Variants in TCF4 observed in about 807,000 individuals in gnomAD.
The protein encoded by TCF4 is SL3-3 enhancer factor 2.
TCF4 carries 3 observed loss-of-function variants against 82.1 expected under a neutral mutation model. That is an observed-to-expected ratio of 0.04 (90% CI 0.02 to 0.09). The LOEUF (loss-of-function observed/expected upper bound fraction) is 0.09. TCF4 is among the 10% of genes least tolerant of loss of function. TCF4 has a pLI of 1.00. For missense variants in TCF4, 518 were observed against 852.7 expected, an observed-to-expected ratio of 0.61 and a Z score of 4.89; for synonymous variants, 276 against 309.6, an observed-to-expected ratio of 0.89 and a Z score of 1.14.
At chr18:55,517,114 A>G (rs1192895142) in intron 3 of TCF4, among the ~76,000 whole-genome samples, 4 of 152,172 alleles carry the variant, frequency 2.6e-5, no homozygotes, top group Non-Finnish European at 4.4e-5. Flanking sequence ...CTCCTAATGA[A>G]TAACACCATC....
intron 6 of TCF4, among the ~76,000 whole-genome samples, chr18:55,352,676 A>T (rs1014234807): frequency 1.1e-4 from 16 of 152,186 alleles, no homozygotes; most frequent in African/African-American, 3.6e-4. Flanking sequence ...ATATTAAAAC[A>T]CTACACAATG....
rs2058728468 is a variant in TCF4 at position 55,264,631 on chromosome 18, C to T, written c.923-3098G>A. The stretch of plus-strand genomic sequence containing the variant: ...GCATTGAGAAGTGGGCCATGTTTAG[C>T]AAGATACATTAAAGCTGAAAATGTG... On this transcript the variant is annotated intron_variant, in intron 11 of 19. Transcript: ENST00000354452. The T allele has an allele frequency of 4.0e-5, 6 of 149,010 alleles. 1 individual carries two copies. In the South Asian group the frequency reaches 1.1e-3, roughly 26 times the overall value. The allele number at this position is 149,010 out of a possible 1,614,324, so 9.2% of individuals were successfully genotyped here. A position where few individuals can be genotyped will look rare whatever the true frequency, so the allele number is the denominator to read the frequency against.
intron 6 of TCF4, chr18:55,351,443 C>T (rs532145337): frequency 9.1e-4 from 162 of 177,302 alleles, no homozygotes; most frequent in Middle Eastern, 5.6e-3. Context: ...CCTATGAACT[C>T]GACTGAGAAC....
intron 3 of TCF4, among the ~76,000 whole-genome samples, chr18:55,509,001 T>C (rs1198659895): frequency 6.6e-6 from 1 of 152,208 alleles, no homozygotes; most frequent in Non-Finnish European, 1.5e-5. Flanking sequence ...GACTCCTGTA[T>C]GTTATTAAAT....
At chr18:55,261,598 G>A in intron 11 of TCF4, 65 bp from the exon 12 acceptor site, 1 of 1,556,840 alleles carries the variant, frequency 6.4e-7, no homozygotes, top group African/African-American at 1.4e-5. Flanking sequence ...TTCTATTCCT[G>A]GTCCATTTAC....
chr18:55,267,408 A>G (rs2059423671), intron 11 of TCF4: 1 of 152,242 alleles, frequency 6.6e-6, no homozygotes, highest in South Asian at 2.1e-4. Flanking sequence ...TCTTCTTGTT[A>G]TACAGACACG....
At chr18:55,497,611 A>G (rs1420663815) in intron 3 of TCF4, among the ~76,000 whole-genome samples, 2 of 152,234 alleles carry the variant, frequency 1.3e-5, no homozygotes, top group Admixed American at 6.5e-5. Flanking sequence ...CCTAGCAGTT[A>G]TATTTGTTAT....
At chr18:55,335,596 A>G (rs2078458108) in intron 8 of TCF4, among the ~76,000 whole-genome samples, 1 of 152,186 alleles carries the variant, frequency 6.6e-6, no homozygotes, top group African/African-American at 2.4e-5. Context: ...GCAAGTTTTC[A>G]TGTCTAAAAA....
At chr18:55,304,122 T>C (rs2069327493) in intron 8 of TCF4, among the ~76,000 whole-genome samples, 1 of 151,870 alleles carries the variant, frequency 6.6e-6, no homozygotes, top group Non-Finnish European at 1.5e-5. Context: ...GCAGGAGCAA[T>C]AGATATAAGT....
intron 8 of TCF4, among the ~76,000 whole-genome samples, chr18:55,315,542 C>G (rs565373085): frequency 2.2e-4 from 34 of 152,216 alleles, no homozygotes; most frequent in African/African-American, 7.5e-4. Flanking sequence ...AGGAAAGTCT[C>G]CAAAGTTTAA....
intron 2 of TCF4, among the ~76,000 whole-genome samples, chr18:55,630,618 A>G (rs2148003263): frequency 6.6e-6 from 1 of 152,344 alleles, no homozygotes; most frequent in Non-Finnish European, 1.5e-5. Flanking sequence ...GAGCTATTAA[A>G]TGTTTATTGT....
intron 5 of TCF4, among the ~76,000 whole-genome samples, chr18:55,443,944 A>G (rs2095483628): frequency 6.6e-6 from 1 of 152,186 alleles, no homozygotes; most frequent in Non-Finnish European, 1.5e-5. Flanking sequence ...GGATTTTATA[A>G]TATCTTCAAC....
At chr18:55,291,571 G>A (rs991422489) in intron 8 of TCF4, among the ~76,000 whole-genome samples, 1 of 152,032 alleles carries the variant, frequency 6.6e-6, no homozygotes, top group Non-Finnish European at 1.5e-5. Flanking sequence ...ACTTTCAACT[G>A]AAAACAAAAG....
At chr18:55,522,618 T>C (rs1038499997) in intron 3 of TCF4, among the ~76,000 whole-genome samples, 12 of 152,066 alleles carry the variant, frequency 7.9e-5, no homozygotes, top group African/African-American at 2.9e-4. Flanking sequence ...GTAGAAAAAT[T>C]GTCACTGATG....
chr18:55,284,448 A>C (rs2063275815), intron 8 of TCF4: 1 of 152,216 alleles, frequency 6.6e-6, no homozygotes, highest in Non-Finnish European at 1.5e-5. Flanking sequence ...AGATAATGTC[A>C]TAATGCATGT....
At chr18:55,232,451 C>T in intron 17 of TCF4, 58 bp downstream of exon 17, 1 of 1,596,436 alleles carries the variant, frequency 6.3e-7, no homozygotes, top group Non-Finnish European at 8.6e-7. Flanking sequence ...CCGTTCTGTT[C>T]ACTTCATCAA....
chr18:55,483,574 A>C (rs2096472856), intron 3 of TCF4, among the ~76,000 whole-genome samples: 1 of 152,244 alleles, frequency 6.6e-6, no homozygotes, highest in African/African-American at 2.4e-5. Flanking sequence ...ATCCCCTGAC[A>C]GAAATAATCT....
At chr18:55,392,127 C>T (rs909815388) in intron 6 of TCF4, among the ~76,000 whole-genome samples, 2 of 150,442 alleles carry the variant, frequency 1.3e-5, no homozygotes, top group Admixed American at 1.3e-4. Flanking sequence ...CCACACCTAG[C>T]TAACTTTTTG....
intron 5 of TCF4, among the ~76,000 whole-genome samples, chr18:55,458,180 T>C (rs926750619): frequency 2.0e-5 from 3 of 152,220 alleles, no homozygotes; most frequent in African/African-American, 7.2e-5. Flanking sequence ...GATTTGACAA[T>C]AGAGAATCTG....
Sources: gnomAD v4.1 joint callset for allele counts (sites outside exome capture counted in the v4.1 genomes callset) on GRCh38, gnomAD v4.1.1 for gene constraint, MANE v1.5 for transcripts, NCBI Gene and HGNC (gene_info 2026-07-23, HGNC 2026-07-21) for gene names.